PDE4D: variants seen among roughly 807,000 people sequenced by gnomAD.
The protein encoded by PDE4D is phosphodiesterase 4D, also known as 3',5'-cyclic-AMP phosphodiesterase 4D.
In PDE4D, 24 loss-of-function variants were observed where a neutral mutation model predicts 87.4. That is an observed-to-expected ratio of 0.27 (90% CI 0.20 to 0.39). The LOEUF is 0.39. Ranked by LOEUF, PDE4D falls within the 10% of genes least tolerant of loss-of-function variation. The probability of loss-of-function intolerance (pLI) is 1.00; values close to 1 mark genes in which losing one functional copy is unlikely to be tolerated. For synonymous variants in PDE4D, 384 were observed against 383.2 expected, an observed-to-expected ratio of 1.00 and a Z score of -0.02; for missense variants, 714 against 1,041.0, an observed-to-expected ratio of 0.69 and a Z score of 4.32.
chr5:59,931,274 T>C (rs925085386), intron 3 of PDE4D, among the ~76,000 whole-genome samples: 1 of 152,246 alleles, frequency 6.6e-6, no homozygotes, highest in Non-Finnish European at 1.5e-5. Context: ...TCTTTCAAAA[T>C]AGTATTTGTT....
chr5:59,519,577 G>T (rs1295425556), intron 1 of PDE4D, among the ~76,000 whole-genome samples: 1 of 152,186 alleles, frequency 6.6e-6, no homozygotes, highest in Non-Finnish European at 1.5e-5. Context: ...AGTGGTTTGA[G>T]AAGATGTCAG....
chr5:59,587,285 G>C (rs1255584618), intron 1 of PDE4D, among the ~76,000 whole-genome samples: 1 of 152,204 alleles, frequency 6.6e-6, no homozygotes. Context: ...TTTCACAGCT[G>C]CAAGTCAGAC....
intron 1 of PDE4D, among the ~76,000 whole-genome samples, chr5:60,315,237 T>C (rs1189118640): frequency 6.6e-6 from 1 of 152,242 alleles, no homozygotes; most frequent in Non-Finnish European, 1.5e-5. Flanking sequence ...TGATGGCTAG[T>C]GATGATGAGC....
intron 1 of PDE4D, among the ~76,000 whole-genome samples, chr5:60,222,941 T>C (rs1483854279): frequency 6.6e-6 from 1 of 152,156 alleles, no homozygotes; most frequent in Non-Finnish European, 1.5e-5. Context: ...GAATTGTAAA[T>C]TGCACAATAT....
intron 1 of PDE4D, among the ~76,000 whole-genome samples, chr5:60,256,809 G>T (rs1362579447): frequency 6.6e-6 from 1 of 151,894 alleles, no homozygotes; most frequent in Non-Finnish European, 1.5e-5. Flanking sequence ...TTGCTTCTTG[G>T]GAAGAATGTA....
chr5:60,083,784 C>T (rs904526179), intron 2 of PDE4D, among the ~76,000 whole-genome samples: 6 of 152,114 alleles, frequency 3.9e-5, no homozygotes, highest in African/African-American at 1.4e-4. Flanking sequence ...AAGGAAGTTC[C>T]CTTAGAACTT....
At chr5:60,416,078 AGCT>A (rs1250598948) in intron 1 of PDE4D, among the ~76,000 whole-genome samples, 2 of 152,154 alleles carry the variant, frequency 1.3e-5, no homozygotes, top group Admixed American at 6.5e-5. Context: ...CTCTGTGTCT[AGCT>A]CAGGGTTTGT....
intron 2 of PDE4D, among the ~76,000 whole-genome samples, chr5:59,209,794 A>G (rs1045354646): frequency 1.3e-5 from 2 of 152,168 alleles, no homozygotes; most frequent in African/African-American, 4.8e-5. Context: ...CAACTGCTGA[A>G]AACCCAATTT....
intron 1 of PDE4D, chr5:59,276,023 G>A: frequency 1.0e-6 from 1 of 982,422 alleles, no homozygotes; most frequent in South Asian, 4.7e-5. Context: ...TTTTGTGAAT[G>A]AGAACTATCA....
intron 2 of PDE4D, among the ~76,000 whole-genome samples, chr5:60,110,473 G>A (rs1392043147): frequency 1.3e-5 from 2 of 152,044 alleles, no homozygotes; most frequent in South Asian, 2.1e-4. Flanking sequence ...ACCCCAGTTA[G>A]AATGGCCATT....
chr5:59,763,146 A>G (rs185583977), intron 1 of PDE4D, among the ~76,000 whole-genome samples: 19 of 151,700 alleles, frequency 1.3e-4, no homozygotes, highest in African/African-American at 4.3e-4. Flanking sequence ...AACAATGACA[A>G]AATTTTGGCA....
At chr5:59,879,669 C>T (rs992920185) in intron 1 of PDE4D, among the ~76,000 whole-genome samples, 2 of 152,222 alleles carry the variant, frequency 1.3e-5, no homozygotes, top group Admixed American at 6.5e-5. Flanking sequence ...TAGACACAAA[C>T]GGCATCCAAA....
chr5:59,197,533 C>T (rs1438947425), intron 2 of PDE4D, among the ~76,000 whole-genome samples: 1 of 152,102 alleles, frequency 6.6e-6, no homozygotes, highest in Admixed American at 6.6e-5. Flanking sequence ...ATATACCTAA[C>T]ATATAATTTT....
intron 1 of PDE4D, among the ~76,000 whole-genome samples, chr5:59,337,328 C>CT (rs568466581): frequency 6.9e-6 from 1 of 145,410 alleles, no homozygotes; most frequent in African/African-American, 2.6e-5. Flanking sequence ...TAAGTTCCCC[C>CT]CCCCCCACCT....
Position 59,284,639 on chromosome 5 carries a change from T to C in PDE4D, c.456-68671A>G, listed in dbSNP as rs564415158. On this transcript the variant is annotated intron_variant, in intron 1 of 14. Coordinates refer to ENST00000340635, the MANE Select transcript of PDE4D (RefSeq NM_001104631.2). ...GGACTGTAAACTAGTTCAACCATTGTGGAAGTCAGTGTGGCGATTCCTCAG... is the reference window on the plus strand; with the variant it reads ...GGACTGTAAACTAGTTCAACCATTGCGGAAGTCAGTGTGGCGATTCCTCAG... Among the ~76,000 whole-genome samples the C allele has an allele frequency of 1.4e-3, 190 of 132,574 alleles. 2 individuals are homozygous for C. The highest frequency in any genetic ancestry group is 5.0e-3 in the African/African-American group (171 of 34,456). 87.0% of individuals were successfully genotyped at this position (132,574 alleles called of 152,430 possible). A position where few individuals can be genotyped will look rare whatever the true frequency, so the allele number is the denominator to read the frequency against.
chr5:59,182,257 T>C (rs1741820500), intron 4 of PDE4D, among the ~76,000 whole-genome samples: 1 of 151,330 alleles, frequency 6.6e-6, no homozygotes, highest in Non-Finnish European at 1.5e-5. Context: ...TTCTTAAATT[T>C]TTTTTTTTTT....
intron 1 of PDE4D, among the ~76,000 whole-genome samples, chr5:60,284,390 G>A (rs572604713): frequency 1.4e-4 from 22 of 152,258 alleles, no homozygotes; most frequent in Non-Finnish European, 2.4e-4. Flanking sequence ...GAAACTCCCA[G>A]GAAGTTGCAC....
chr5:59,512,462 A>G (rs763382816), intron 1 of PDE4D, among the ~76,000 whole-genome samples: 2 of 152,186 alleles, frequency 1.3e-5, no homozygotes, highest in African/African-American at 2.4e-5. Flanking sequence ...CTAACAATCA[A>G]TGAAAGCTTT....
chr5:59,044,753 T>A (rs1314868748), intron 5 of PDE4D, among the ~76,000 whole-genome samples: 1 of 152,224 alleles, frequency 6.6e-6, no homozygotes, highest in Admixed American at 6.5e-5. Context: ...ATTTTAAAAT[T>A]GTATAAAATA....
Sources: allele counts gnomAD v4.1 joint callset (sites outside exome capture counted in the v4.1 genomes callset), GRCh38; gene constraint gnomAD v4.1.1; transcripts MANE v1.5; gene names NCBI Gene and HGNC (gene_info 2026-07-23, HGNC 2026-07-21).